The following LCORL variants were observed in gnomAD, a reference collection of about 807,000 sequenced individuals.
LCORL encodes ligand dependent nuclear receptor corepressor like.
Under a neutral mutation model 141.8 loss-of-function variants are expected in LCORL, and 41 were observed. The ratio of observed to expected loss-of-function variants is 0.29; its 90% CI spans 0.23 to 0.38. The LOEUF is 0.38. LCORL is among the 10% of genes least tolerant of loss of function. LCORL has a pLI of 1.00. For synonymous variants in LCORL, 618 were observed against 694.1 expected, an observed-to-expected ratio of 0.89 and a Z score of 1.72; for missense variants, 1,759 against 2,035.0, an observed-to-expected ratio of 0.86 and a Z score of 2.61.
chr4:17,889,726 C>T (rs1728812181), intron 5 of LCORL, among the ~76,000 whole-genome samples: 1 of 151,756 alleles, frequency 6.6e-6, no homozygotes, highest in Admixed American at 6.6e-5. Context: ...ATAGAGAAAG[C>T]CCAGGAATGG....
intron 4 of LCORL, among the ~76,000 whole-genome samples, chr4:17,930,416 G>A (rs1006885586): frequency 1.3e-5 from 2 of 152,210 alleles, no homozygotes; most frequent in African/African-American, 4.8e-5. Flanking sequence ...AATAGTAGAA[G>A]AGACACAGGA....
intron 2 of LCORL, among the ~76,000 whole-genome samples, chr4:17,964,327 G>C (rs1462182921): frequency 2.6e-5 from 4 of 152,184 alleles, no homozygotes; most frequent in Non-Finnish European, 5.9e-5. Flanking sequence ...TACCTTGTAT[G>C]TGAATAAGGA....
intron 5 of LCORL, among the ~76,000 whole-genome samples, chr4:17,902,086 G>C (rs1730973957): frequency 1.3e-5 from 2 of 152,010 alleles, no homozygotes; most frequent in African/African-American, 2.4e-5. Context: ...AGTGTTCTGA[G>C]GTTCTGAGAG....
rs571186562 is a variant in LCORL at position 17,907,164 on chromosome 4, C to A, written c.682+1930G>T. 5.9e-3 allele frequency among the ~76,000 whole-genome samples: 897 copies of A among 152,264 alleles called. 12 individuals carry two copies. Among genetic ancestry groups the A allele is most frequent in the African/African-American group, 0.021 (856 of 41,538 alleles). ...TCCTAACTCAACTCACTGGACCATT[C>A]ACAGAAAACTCAGTCCTACGTTACT... is the stretch of plus-strand genomic sequence containing the variant. On this transcript the variant is annotated intron_variant, in intron 5 of 7. Transcript: ENST00000635767.
exon 7 of LCORL, chr4:17,876,095 T>C: frequency 4.9e-6 from 6 of 1,230,996 alleles, no homozygotes; most frequent in Non-Finnish European, 6.1e-6. Flanking sequence ...TAACCTCAGA[T>C]AAAAACATGA....
intron 4 of LCORL, among the ~76,000 whole-genome samples, chr4:17,946,422 A>G (rs34872714): frequency 0.021 from 3,243 of 152,132 alleles, 64 homozygotes; most frequent in Non-Finnish European, 0.034. Flanking sequence ...CCCACCACTT[A>G]TACCTAAAAT....
intron 2 of LCORL, among the ~76,000 whole-genome samples, chr4:17,969,429 C>G (rs1276068323): frequency 1.3e-5 from 2 of 152,124 alleles, no homozygotes; most frequent in Non-Finnish European, 2.9e-5. Flanking sequence ...ATGTAAACCT[C>G]TCAAAACACT....
rs1560249686 is a variant in LCORL at position 17,851,195 on chromosome 4, G to GTTAA, written c.5603-5295_5603-5294insTTAA. Among the ~76,000 whole-genome samples, 9 of 150,892 alleles carry GTTAA rather than the reference G, an allele frequency of 6.0e-5. 2 individuals are homozygous for GTTAA. On this transcript the variant is annotated intron_variant, in intron 7 of 7. Coordinates refer to ENST00000635767, the Ensembl canonical transcript of LCORL. ...CTAATGCTAAATGACGAGTTAATGG[G>GTTAA]TGCAGCACACCAGCATGGCACATGT... is the stretch of plus-strand genomic sequence containing the variant.
In LCORL at chr4:17,956,828, T is replaced by C. The variant is rs80202220; in HGVS notation, c.430+5075A>G. ...ACACAAAAATAACTATTTGAGGTGA[T>C]GGATATTCTAAATACCCCAATTTGT... On this transcript the variant is annotated intron_variant, in intron 4 of 7. Coordinates refer to ENST00000635767, the Ensembl canonical transcript of LCORL. 1.6e-4 allele frequency among the ~76,000 whole-genome samples: 24 copies of C among 152,210 alleles called. No individual in the cohort carries two copies. In the East Asian group the frequency reaches 4.6e-3, roughly 29 times the overall value.
chr4:17,964,869 T>TTA (rs1714566632), intron 2 of LCORL, among the ~76,000 whole-genome samples: 1 of 151,808 alleles, frequency 6.6e-6, no homozygotes. Flanking sequence ...TACTGCCCTT[T>TTA]TTTTTTTTTT....
chr4:18,021,448 C>T lies in LCORL; in HGVS notation c.154+150G>A. ...AGCCCGCAAGACAAAAGGCGAGCGCCGGGGCCGCCGCGCCGCGCCGCTCCC... is the reference window on the plus strand; with the variant it reads ...AGCCCGCAAGACAAAAGGCGAGCGCTGGGGCCGCCGCGCCGCGCCGCTCCC... On this transcript the variant is annotated intron_variant, in intron 1 of 7. Coordinates refer to ENST00000635767, the Ensembl canonical transcript of LCORL. The surrounding 1 kb of genome is among the most constrained non-coding windows in gnomAD (Gnocchi z 5.5). The T allele has an allele frequency of 3.2e-6, 2 of 630,296 alleles. No individual in the cohort carries two copies. Among genetic ancestry groups the T allele is most frequent in the Non-Finnish European group, 5.0e-6 (2 of 401,444 alleles). The allele number at this position is 630,296 out of a possible 1,614,324, so 39.0% of individuals were successfully genotyped here. A position where few individuals can be genotyped will look rare whatever the true frequency, so the allele number is the denominator to read the frequency against.
rs942459808 is a variant in LCORL, at chr4:17,909,194, T to G, written c.582A>C (p.Lys194Asn). The G allele has an allele frequency of 6.2e-7, 1 of 1,613,460 alleles. No individual in the cohort carries two copies. Among genetic ancestry groups the G allele is most frequent in the African/African-American group, 1.3e-5 (1 of 74,872 alleles). The change falls in exon 5 of 8, where the codon AAA (lysine) becomes AAC (asparagine). Residue 194 changes from lysine to asparagine, a missense_variant. Coordinates refer to ENST00000635767, the Ensembl canonical transcript of LCORL. ...TTTCTGCTTGATTCATTTGGATACTTTTACATACTATACTTGGTCCAATTG... is the reference window on the plus strand; with the variant it reads ...TTTCTGCTTGATTCATTTGGATACTGTTACATACTATACTTGGTCCAATTG...
intron 5 of LCORL, among the ~76,000 whole-genome samples, chr4:17,888,826 A>G (rs1365067109): frequency 6.6e-6 from 1 of 152,140 alleles, no homozygotes; most frequent in Non-Finnish European, 1.5e-5. Flanking sequence ...TTAAGAACTT[A>G]TAAGAAAGGA....
At chr4:17,957,396 A>C (rs910162319) in intron 4 of LCORL, among the ~76,000 whole-genome samples, 1 of 152,014 alleles carries the variant, frequency 6.6e-6, no homozygotes, top group African/African-American at 2.4e-5. Context: ...TTTCAATTAG[A>C]GCAATAAAGA....
chr4:17,858,925 GAACA>G (rs774879432), intron 7 of LCORL, among the ~76,000 whole-genome samples: 73 of 152,188 alleles, frequency 4.8e-4, no homozygotes, highest in Non-Finnish European at 9.3e-4. Flanking sequence ...GTGGAAAAAA[GAACA>G]TACAGAGGAG....
intron 1 of LCORL, among the ~76,000 whole-genome samples, chr4:17,978,950 A>T (rs1201284408): frequency 3.3e-5 from 5 of 152,108 alleles, no homozygotes; most frequent in Non-Finnish European, 7.3e-5. Flanking sequence ...GTTTTAGGGT[A>T]CATGTGCACA....
intron 5 of LCORL, among the ~76,000 whole-genome samples, chr4:17,891,598 A>C (rs1354195531): frequency 1.3e-5 from 2 of 152,196 alleles, no homozygotes. Context: ...TAAAGCATGA[A>C]AAAACTGCAA....
intron 1 of LCORL, among the ~76,000 whole-genome samples, chr4:17,991,938 A>C (rs1330517489): frequency 6.6e-6 from 1 of 152,224 alleles, no homozygotes; most frequent in Non-Finnish European, 1.5e-5. Flanking sequence ...AGTGAAGCAC[A>C]CAAAGTGATG....
chr4:18,001,512 A>T (rs1721954268), intron 1 of LCORL, among the ~76,000 whole-genome samples: 1 of 152,222 alleles, frequency 6.6e-6, no homozygotes, highest in Non-Finnish European at 1.5e-5. Context: ...CAGGGGTAAC[A>T]TGAACACATT....
Sources: allele counts gnomAD v4.1 joint callset (sites outside exome capture counted in the v4.1 genomes callset), GRCh38; gene constraint gnomAD v4.1.1; non-coding constraint Gnocchi (gnomAD v3.1); transcripts MANE v1.5; gene names NCBI Gene and HGNC (gene_info 2026-07-23, HGNC 2026-07-21).